The following PAFAH1B1 variants were observed in gnomAD, a reference collection of about 807,000 sequenced individuals.
The protein encoded by PAFAH1B1 is platelet activating factor acetylhydrolase 1b regulatory subunit 1, also known as platelet-activating factor acetylhydrolase IB subunit beta.
Under a neutral mutation model 57.5 loss-of-function variants are expected in PAFAH1B1, and 2 were observed. The ratio of observed to expected loss-of-function variants is 0.03; its 90% confidence interval spans 0.01 to 0.11. PAFAH1B1 has a LOEUF of 0.11. PAFAH1B1 is among the 10% of genes least tolerant of loss of function. PAFAH1B1 has a pLI of 1.00. For synonymous variants in PAFAH1B1, 152 were observed against 169.6 expected (o/e 0.90, Z 0.81); for missense variants, 257 against 512.0 (o/e 0.50, Z 4.81).
At chr17:2,659,382 CA>C in intron 2 of PAFAH1B1, 1 of 252,082 alleles carries the variant, frequency 4.0e-6, no homozygotes, top group Non-Finnish European at 8.1e-6. Context: ...GCTAAAAATG[CA>C]AAAATTAGCT....
chr17:2,671,058 G>A (rs943201567), intron 6 of PAFAH1B1, among the ~76,000 whole-genome samples: 5 of 152,186 alleles, frequency 3.3e-5, no homozygotes, highest in African/African-American at 1.2e-4. Context: ...TTGGGATTTT[G>A]TACAAGGAAC....
At chr17:2,663,556 G>GTTC (rs368499197) in intron 2 of PAFAH1B1, among the ~76,000 whole-genome samples, 1,141 of 83,006 alleles carry the variant, frequency 0.014, 6 homozygotes, top group Non-Finnish European at 0.019. Context: ...ACCTGCTGAG[G>GTTC]TTCTTCAGTC....
chr17:2,644,020 C>T (rs773238539), intron 2 of PAFAH1B1, among the ~76,000 whole-genome samples: 70 of 152,138 alleles, frequency 4.6e-4, no homozygotes, highest in Non-Finnish European at 6.2e-4. Context: ...AGGCTCCCGC[C>T]ACCACATCTG....
chr17:2,594,213 C>T (rs1411060318), intron 1 of PAFAH1B1, among the ~76,000 whole-genome samples: 1 of 152,154 alleles, frequency 6.6e-6, no homozygotes, highest in African/African-American at 2.4e-5. Flanking sequence ...GTGAGAGACC[C>T]GGAGGAGGGG....
rs1485636079 is a variant in PAFAH1B1 at position 2,684,809 on chromosome 17, C to G, written c.*3007C>G. 6.6e-6 allele frequency: 1 copy of G among 152,644 alleles called. No homozygotes were observed. Among genetic ancestry groups the G allele is most frequent in the African/African-American group, 2.4e-5 (1 of 41,442 alleles). 9.5% of individuals were successfully genotyped at this position (152,644 alleles called of 1,614,324 possible). On this transcript the variant is annotated 3_prime_UTR_variant, in exon 11 of 11. Transcript: ENST00000397195. ...GAGCGTTCGCCGTAGTCTTTGGAAG[C>G]TTTGGCTTTAGATTTACCAAGCCCC...
At chr17:2,680,008 T>C (rs889162755) in intron 9 of PAFAH1B1, 156 bp from the exon 10 acceptor site, 62 of 716,862 alleles carry the variant, frequency 8.6e-5, no homozygotes, top group Non-Finnish European at 1.3e-4. Flanking sequence ...TCATGTCTTA[T>C]GAGTTTTCAG....
At chr17:2,593,590 GGGCGGCGGC>G (rs552674446), upstream of PAFAH1B1, among the ~76,000 whole-genome samples, 28 of 148,768 alleles carry the variant, frequency 1.9e-4, no homozygotes, top group East Asian at 8.1e-4. Context: ...GGCGGGTCTG[GGGCGGCGGC>G]GGCGGCGGCG....
At chr17:2,634,787 TG>T (rs1410806438) in intron 1 of PAFAH1B1, among the ~76,000 whole-genome samples, 9 of 152,182 alleles carry the variant, frequency 5.9e-5, no homozygotes, top group Admixed American at 5.2e-4. Context: ...CACCCGCAGG[TG>T]GCAATACTTG....
chr17:2,608,106 A>G (rs1166176821), intron 1 of PAFAH1B1, among the ~76,000 whole-genome samples: 2 of 149,950 alleles, frequency 1.3e-5, no homozygotes, highest in Non-Finnish European at 3.0e-5. Flanking sequence ...TTTTTGTGAG[A>G]CAAAGTCTCA....
chr17:2,674,600 GT>G (rs2069234177), intron 8 of PAFAH1B1, among the ~76,000 whole-genome samples: 1 of 152,132 alleles, frequency 6.6e-6, no homozygotes, highest in African/African-American at 2.4e-5. Flanking sequence ...AGAGGTTAAA[GT>G]TTTCTGTCAG....
intron 1 of PAFAH1B1, among the ~76,000 whole-genome samples, chr17:2,603,295 C>T (rs1416497974): frequency 6.6e-6 from 1 of 151,760 alleles, no homozygotes; most frequent in African/African-American, 2.4e-5. Flanking sequence ...GTCTACAGGC[C>T]CGCGCCACCA....
At chr17:2,638,003 CAAT>C in intron 1 of PAFAH1B1, 93 bp from the exon 2 acceptor site, 1 of 447,562 alleles carries the variant, frequency 2.2e-6, no homozygotes, top group Non-Finnish European at 3.9e-6. Flanking sequence ...ACTAACATCA[CAAT>C]AAAATTTATC....
chr17:2,652,688 G>T (rs2068879706), intron 2 of PAFAH1B1, among the ~76,000 whole-genome samples: 1 of 152,176 alleles, frequency 6.6e-6, no homozygotes, highest in South Asian at 2.1e-4. Context: ...TACTATAGCT[G>T]CACATGTTCA....
rs117978802 is a variant in PAFAH1B1, at chr17:2,600,283, T to C, written c.-191+6277T>C. Reference sequence around the variant, plus strand: ...AATCTAAGGTAAAGATAGAAGAGTTTGTTTTATGGGTTGGGCACTGTGGTT... The same window carrying C: ...AATCTAAGGTAAAGATAGAAGAGTTCGTTTTATGGGTTGGGCACTGTGGTT... On this transcript the variant is annotated intron_variant, in intron 1 of 10. Transcript: ENST00000397195. 8.3e-3 allele frequency among the ~76,000 whole-genome samples: 1,266 copies of C among 152,130 alleles called. 9 individuals carry two copies. The highest frequency in any genetic ancestry group is 0.034 in the South Asian group (162 of 4,822).
rs148679432 is a variant in PAFAH1B1 at position 2,607,497 on chromosome 17, T to C, written c.-191+13491T>C. Among the ~76,000 whole-genome samples, 914 of 151,824 alleles carry C rather than the reference T, an allele frequency of 6.0e-3. 12 individuals are homozygous for C. The highest frequency in any genetic ancestry group is 0.021 in the African/African-American group (863 of 41,418). ...GCCTTTTCTTTTCTTTTTCTTTTTT[T>C]TTTTTGAGATGGAGTCCCGCTCTAT... On this transcript the variant is annotated intron_variant, in intron 1 of 10. Transcript: ENST00000397195.
intron 1 of PAFAH1B1, among the ~76,000 whole-genome samples, chr17:2,608,329 T>C (rs763618695): frequency 1.1e-3 from 166 of 152,114 alleles, no homozygotes; most frequent in Non-Finnish European, 1.9e-3. Flanking sequence ...CGTGATCCAC[T>C]GGCCTCAGCC....
intron 2 of PAFAH1B1, among the ~76,000 whole-genome samples, chr17:2,643,564 T>A (rs570023110): frequency 6.6e-6 from 1 of 151,978 alleles, no homozygotes; most frequent in Admixed American, 6.6e-5. Context: ...CTTTTTTTTT[T>A]TTCTCTTCCC....
intron 6 of PAFAH1B1, 108 bp from the exon 7 acceptor site, chr17:2,672,547 A>G: frequency 1.3e-6 from 1 of 758,970 alleles, no homozygotes; most frequent in Non-Finnish European, 2.3e-6. Flanking sequence ...TGTATTTAGA[A>G]CTTGCTTTGA....
chr17:2,637,203 AG>A (rs1403957878), intron 1 of PAFAH1B1, among the ~76,000 whole-genome samples: 2 of 152,120 alleles, frequency 1.3e-5, no homozygotes, highest in African/African-American at 4.8e-5. Flanking sequence ...TATCATTTGG[AG>A]GATGATTTTT....
Sources: gnomAD v4.1 joint callset for allele counts (sites outside exome capture counted in the v4.1 genomes callset) on GRCh38, gnomAD v4.1.1 for gene constraint, MANE v1.5 for transcripts, NCBI Gene and HGNC (gene_info 2026-07-23, HGNC 2026-07-21) for gene names.